HECTD4: variants seen among roughly 807,000 people sequenced by gnomAD.
HECTD4 encodes the protein probable E3 ubiquitin-protein ligase HECTD4.
Under a neutral mutation model 471.5 loss-of-function variants are expected in HECTD4, and 114 were observed. That is an observed-to-expected ratio of 0.24 (90% CI 0.21 to 0.28). The LOEUF is 0.28. HECTD4 is among the 10% of genes least tolerant of loss of function. The pLI is 1.00. For synonymous variants in HECTD4, 2,012 were observed against 2,256.0 expected (o/e 0.89, Z 3.07); for missense variants, 3,866 against 5,651.5 (o/e 0.68, Z 10.13).
chr12:112,200,905 G>A (rs1593923286), intron 54 of HECTD4, 107 bp from the exon 55 acceptor site: 2 of 979,432 alleles, frequency 2.0e-6, no homozygotes, highest in African/African-American at 1.6e-5. Flanking sequence ...GTGTGTGTGT[G>A]TGTGTGTATT....
chr12:112,171,828 C>T (rs1055430721), intron 67 of HECTD4, among the ~76,000 whole-genome samples: 3 of 152,164 alleles, frequency 2.0e-5, no homozygotes, highest in East Asian at 1.9e-4. Context: ...GCCCCTGGGA[C>T]GAGTGTAATG....
intron 7 of HECTD4, among the ~76,000 whole-genome samples, chr12:112,300,101 G>A (rs1594024286): frequency 6.6e-6 from 1 of 152,148 alleles, no homozygotes; most frequent in Admixed American, 6.5e-5. Context: ...GATCACTTGA[G>A]GTCAGGAGTT....
At chr12:112,364,565 AC>A (rs1306218842) in intron 1 of HECTD4, among the ~76,000 whole-genome samples, 2 of 152,050 alleles carry the variant, frequency 1.3e-5, no homozygotes, top group African/African-American at 4.8e-5. Flanking sequence ...CCCCATCTCT[AC>A]AAAAACACAA....
chr12:112,207,597 G>A lies in HECTD4; in HGVS notation c.8131+277C>T, dbSNP rs2074356. 5.4e-3 allele frequency among the ~76,000 whole-genome samples: 825 copies of A among 152,272 alleles called. 65 individuals carry two copies. The East Asian group carries it at 0.16, about 29-fold the overall frequency. On this transcript the variant is annotated intron_variant, in intron 52 of 75. Transcript: ENST00000682272. ...GCTGGTAAACAGTATGACTTCAGAT[G>A]TGAACTGTTAACCACCAGACCACAG...
rs780504669 is a variant in HECTD4 at position 112,239,927 on chromosome 12, C to T, written c.5059G>A (p.Ala1687Thr). 18 of 1,613,878 alleles carry T rather than the reference C, an allele frequency of 1.1e-5. No homozygotes were observed. The highest frequency in any genetic ancestry group is 1.7e-5 in the Admixed American group (1 of 60,008). Residue 1687 changes from alanine to threonine, a missense_variant, in exon 33 of 76, where the codon GCT becomes ACT. By Grantham distance (58) the Ala-to-Thr change is moderately conservative. Coordinates refer to ENST00000682272, the MANE Select transcript of HECTD4 (RefSeq NM_001388303.1). The surrounding 1 kb of genome is among the most constrained non-coding windows in gnomAD (Gnocchi z 4.9). ...AAGAGTCCAATGCTATTTGCGCAAG[C>T]GATAGGGTAACGAGCACACAGAGAC... ...VVSLCARYPI[A>T]CANSIGLLCT...
intron 10 of HECTD4, 124 bp from the exon 11 acceptor site, chr12:112,273,919 T>A: frequency 1.9e-6 from 2 of 1,040,816 alleles, no homozygotes; most frequent in Non-Finnish European, 2.7e-6. Context: ...CCCACAACCC[T>A]AGTCCCACAG....
chr12:112,162,692 A>C lies in HECTD4; in HGVS notation c.13121-169T>G. On this transcript the variant is annotated intron_variant, in intron 75 of 75. Transcript: ENST00000682272. This position sits in a 1 kb window ranked among gnomAD's most constrained non-coding sequence, Gnocchi z 5.2. ...CTGGGAACCTGCGAGATGTTCTTGGAGGGAAAAGGGGAGAGAGCTGCTGGA... is the reference window on the plus strand; with the variant it reads ...CTGGGAACCTGCGAGATGTTCTTGGCGGGAAAAGGGGAGAGAGCTGCTGGA... The C allele has an allele frequency of 1.4e-6, 1 of 723,978 alleles. No individual in the cohort carries two copies. The highest frequency in any genetic ancestry group is 2.3e-6 in the Non-Finnish European group (1 of 443,248). The allele number at this position is 723,978 out of a possible 1,614,324, so 44.8% of individuals were successfully genotyped here. A position where few individuals can be genotyped will look rare whatever the true frequency, so the allele number is the denominator to read the frequency against.
In HECTD4 at chr12:112,164,294, G is replaced by A; in HGVS notation, c.12535-19C>T. On this transcript the variant is annotated intron_variant, in intron 72 of 75. Coordinates refer to ENST00000682272, the MANE Select transcript of HECTD4 (RefSeq NM_001388303.1). Reference sequence around the variant, plus strand: ...CATTGATCTGGAGGGTGGAGGCAGAGCGAGGCTCATTATGAGGCCATGGGA... The same window carrying A: ...CATTGATCTGGAGGGTGGAGGCAGAACGAGGCTCATTATGAGGCCATGGGA... 1 of 1,604,484 alleles carries A rather than the reference G, an allele frequency of 6.2e-7. No individual in the cohort carries two copies. The highest frequency in any genetic ancestry group is 1.7e-4 in the Middle Eastern group (1 of 6,016).
chr12:112,270,439 C>T lies in HECTD4; in HGVS notation c.1963G>A (p.Glu655Lys). The T allele has an allele frequency of 6.2e-7, 1 of 1,613,946 alleles. No homozygotes were observed. Among genetic ancestry groups the T allele is most frequent in the Non-Finnish European group, 8.5e-7 (1 of 1,179,840 alleles). Residue 655 changes from glutamate (E) to lysine (K), a missense_variant, in exon 12 of 76, where the codon GAG (glutamate) becomes AAG (lysine). Physicochemically the swap from Glu to Lys is moderately conservative, Grantham distance 56. Around this residue, in one of 16 missense-constraint regions of HECTD4, gnomAD observed 525 missense variants for 672.6 expected, o/e 0.78. Transcript: ENST00000682272. The stretch of plus-strand genomic sequence containing the variant: ...TGGTGCAATAATTGGTTTATAACCT[C>T]ATTCGTGGTTATAGCCTCTTCTAGA... ...EPKEEAITTNEVINQLLHHVG... is the reference protein window; with the variant it reads ...EPKEEAITTNKVINQLLHHVG...
At chr12:112,281,384 T>A (rs2034639465) in intron 8 of HECTD4, among the ~76,000 whole-genome samples, 1 of 152,190 alleles carries the variant, frequency 6.6e-6, no homozygotes, top group South Asian at 2.1e-4. Flanking sequence ...ATTCTAAATA[T>A]GTCCTTGCCT....
chr12:112,338,105 T>G (rs1375891192), intron 1 of HECTD4, among the ~76,000 whole-genome samples: 1 of 152,154 alleles, frequency 6.6e-6, no homozygotes, highest in Non-Finnish European at 1.5e-5. Context: ...AGGGCTGCAC[T>G]CCCTCCAGGG....
rs2033684396 is a variant in HECTD4, at chr12:112,243,348, C to G, written c.4958+5G>C. 2 of 1,609,566 alleles carry G rather than the reference C, an allele frequency of 1.2e-6. No homozygotes were observed. The highest frequency in any genetic ancestry group is 2.2e-5 in the East Asian group (1 of 44,770). ...GGACAGTATAAACTAACAGAAACAA[C>G]TAACCTGGGTCCTCCCTGAAGGACC... On this transcript the variant is annotated splice_donor_5th_base_variant and intron_variant, in intron 32 of 75. Coordinates refer to ENST00000682272, the MANE Select transcript of HECTD4 (RefSeq NM_001388303.1). This position sits in a 1 kb window ranked among gnomAD's most constrained non-coding sequence, Gnocchi z 6.6.
intron 54 of HECTD4, chr12:112,201,492 C>CA (rs1459950700): frequency 1.9e-5 from 3 of 154,732 alleles, no homozygotes; most frequent in Non-Finnish European, 4.3e-5. Context: ...AAATTTCAAT[C>CA]AAAATAAAAA....
chr12:112,313,034 G>A lies in HECTD4; in HGVS notation c.899C>T (p.Ser300Phe). Residue 300 changes from serine (S) to phenylalanine (F), a missense_variant, in exon 4 of 76, where the codon TCC becomes TTC. Physicochemically the swap from Ser to Phe is radical, Grantham distance 155. This residue lies in a region of HECTD4 where 440 missense variants were observed against 636.0 expected (regional missense o/e 0.69). Coordinates refer to ENST00000682272, the MANE Select transcript of HECTD4 (RefSeq NM_001388303.1). The part of the protein sequence containing the change: ...MLPAPDSNTG[S>F]SSENKDADLG... Reference sequence around the variant, plus strand: ...TACATTACCTTTATTTTCAGAACTGGAGCCAGTGTTGCTATCCGGCGCAGG... The same window carrying A: ...TACATTACCTTTATTTTCAGAACTGAAGCCAGTGTTGCTATCCGGCGCAGG... 1 of 1,535,400 alleles carries A rather than the reference G, an allele frequency of 6.5e-7. No homozygotes were observed. The highest frequency in any genetic ancestry group is 8.7e-7 in the Non-Finnish European group (1 of 1,146,574).
chr12:112,288,845 C>T (rs1001365554), intron 7 of HECTD4, among the ~76,000 whole-genome samples: 11 of 152,162 alleles, frequency 7.2e-5, no homozygotes, highest in African/African-American at 2.7e-4. Flanking sequence ...GTGACTTCAG[C>T]TTCACCATGC....
intron 7 of HECTD4, among the ~76,000 whole-genome samples, chr12:112,298,480 ATTTT>A (rs199649818): frequency 1.5e-5 from 2 of 132,790 alleles, no homozygotes; most frequent in African/African-American, 2.8e-5. Context: ...AATTATATTA[ATTTT>A]TTTTTTTTTT....
At chr12:112,309,513 G>A (rs764371655) in intron 5 of HECTD4, 48 bp downstream of exon 5, 2 of 796,918 alleles carry the variant, frequency 2.5e-6, no homozygotes, top group Non-Finnish European at 4.2e-6. Context: ...TTTATGTAAG[G>A]AGGATAATGT....
At chr12:112,312,839 C>T (rs914467386) in intron 4 of HECTD4, among the ~76,000 whole-genome samples, 178 bp downstream of exon 4, 1 of 152,144 alleles carries the variant, frequency 6.6e-6, no homozygotes, top group Non-Finnish European at 1.5e-5. Context: ...TCTTACCTCA[C>T]CAGTATCAGC....
At chr12:112,170,574 G>A (rs973431473) in intron 68 of HECTD4, 122 bp from the exon 69 acceptor site, 32 of 1,303,332 alleles carry the variant, frequency 2.5e-5, no homozygotes, top group African/African-American at 2.9e-5. Context: ...CAGTAGAGCC[G>A]GGCCCTGACT....
Sources: allele counts gnomAD v4.1 joint callset (sites outside exome capture counted in the v4.1 genomes callset), GRCh38; gene constraint gnomAD v4.1.1; regional missense constraint gnomAD v4.1.1; non-coding constraint Gnocchi (gnomAD v3.1); transcripts MANE v1.5; gene names NCBI Gene and HGNC (gene_info 2026-07-23, HGNC 2026-07-21).